Variants in VWC2 observed in about 807,000 individuals in gnomAD.
VWC2 encodes the protein von Willebrand factor C domain containing 2, also known as brorin.
VWC2 carries 14 observed loss-of-function variants against 29.8 expected under a neutral mutation model. That is an observed-to-expected ratio of 0.47 (90% confidence interval 0.31 to 0.74). The LOEUF is 0.74. Among genes scored for constraint, VWC2 ranks in the 30% least tolerant of loss-of-function variants. The pLI, the probability that VWC2 is intolerant of heterozygous loss-of-function variation, is 0.05. For missense variants in VWC2, 457 were observed against 459.8 expected (o/e 0.99, Z 0.05); for synonymous variants, 213 against 199.0 (o/e 1.07, Z -0.59).
Position 49,918,105 on chromosome 7 carries a change from C to T in VWC2, c.*5920C>T, listed in dbSNP as rs1406811777. 1 of 152,094 alleles carries T rather than the reference C, an allele frequency of 6.6e-6. No individual in the cohort carries two copies. The highest frequency in any genetic ancestry group is 2.4e-5 in the African/African-American group (1 of 41,434). 9.4% of individuals were successfully genotyped at this position (152,094 alleles called of 1,614,324 possible). A position where few individuals can be genotyped will look rare whatever the true frequency, so the allele number is the denominator to read the frequency against. On this transcript the variant is annotated 3_prime_UTR_variant, in exon 4 of 4. Transcript: ENST00000340652. ...TGTATATCATCGGCCAAAAGTTATG[C>T]TAGGTTTCCTTCACTTATTATCACA...
In VWC2 at chr7:49,867,840, A is replaced by ATT. The variant is rs140005386; in HGVS notation, c.827-44191_827-44190dup. The stretch of plus-strand genomic sequence containing the variant: ...TTTCTATTTTTTATTTTATTATTTT[A>ATT]TTTTATTTTTTGAGGTGGAGTCTTG... On this transcript the variant is annotated intron_variant, in intron 3 of 3. Transcript: ENST00000340652. Among the ~76,000 whole-genome samples, 384 of 141,156 alleles carry ATT rather than the reference A, an allele frequency of 2.7e-3. 3 individuals carry two copies. Among genetic ancestry groups the ATT allele is most frequent in the African/African-American group, 6.4e-3 (258 of 40,382 alleles). The allele number at this position is 141,156 out of a possible 152,430, so 92.6% of individuals were successfully genotyped here.
chr7:49,906,056 C>A (rs900652784), intron 3 of VWC2, among the ~76,000 whole-genome samples: 1 of 152,290 alleles, frequency 6.6e-6, no homozygotes, highest in African/African-American at 2.4e-5. Context: ...AGCATATAAT[C>A]AAGAAATAAC....
intron 3 of VWC2, among the ~76,000 whole-genome samples, chr7:49,819,101 G>C (rs564225622): frequency 6.6e-6 from 1 of 152,100 alleles, no homozygotes; most frequent in Non-Finnish European, 1.5e-5. Context: ...CAGCTTCCTC[G>C]CTGGTCTGCA....
At chr7:49,820,109 C>T (rs1468606645) in intron 3 of VWC2, among the ~76,000 whole-genome samples, 1 of 152,064 alleles carries the variant, frequency 6.6e-6, no homozygotes, top group Non-Finnish European at 1.5e-5. Context: ...ACCCTCACAA[C>T]CTCCCTGAAG....
chr7:49,804,727 A>G (rs1788833765), intron 3 of VWC2, among the ~76,000 whole-genome samples: 1 of 152,168 alleles, frequency 6.6e-6, no homozygotes, highest in Admixed American at 6.5e-5. Flanking sequence ...ACCTTTAGCT[A>G]CACCTGTTGC....
intron 3 of VWC2, among the ~76,000 whole-genome samples, chr7:49,842,009 G>T (rs539915743): frequency 1.3e-5 from 2 of 152,168 alleles, no homozygotes; most frequent in East Asian, 3.9e-4. Flanking sequence ...TGGGATTACA[G>T]GTGCTCGCCA....
intron 3 of VWC2, among the ~76,000 whole-genome samples, chr7:49,856,784 C>G (rs748687463): frequency 2.5e-4 from 38 of 151,974 alleles, no homozygotes; most frequent in African/African-American, 8.9e-4. Context: ...CCGAGGTGGG[C>G]GGATCACGAG....
chr7:49,791,221 G>A (rs1788456775), intron 2 of VWC2, among the ~76,000 whole-genome samples: 1 of 152,188 alleles, frequency 6.6e-6, no homozygotes, highest in Non-Finnish European at 1.5e-5. Context: ...TGCACCCTAA[G>A]GGTGTGAGCT....
chr7:49,780,331 G>C (rs1788146933), intron 2 of VWC2, among the ~76,000 whole-genome samples: 1 of 152,188 alleles, frequency 6.6e-6, no homozygotes, highest in Non-Finnish European at 1.5e-5. Context: ...GTGACTAAGG[G>C]TAGGGAGAGG....
rs1458968192 is a variant in VWC2 at position 49,914,021 on chromosome 7, G to T, written c.*1836G>T. ...GGAATTATTAGCTAATTGTTCTCAG[G>T]TGTAATCAGCTTTCCAAAATTTAAC... On this transcript the variant is annotated 3_prime_UTR_variant, in exon 4 of 4. Transcript: ENST00000340652. 6.6e-6 allele frequency: 1 copy of T among 152,166 alleles called. No individual in the cohort carries two copies. The highest frequency in any genetic ancestry group is 1.5e-5 in the Non-Finnish European group (1 of 68,024). 9.4% of individuals were successfully genotyped at this position (152,166 alleles called of 1,614,324 possible). A position where few individuals can be genotyped will look rare whatever the true frequency, so the allele number is the denominator to read the frequency against.
chr7:49,858,429 A>G (rs532287545), intron 3 of VWC2, among the ~76,000 whole-genome samples: 1 of 152,162 alleles, frequency 6.6e-6, no homozygotes, highest in African/African-American at 2.4e-5. Flanking sequence ...GCTGAAAACG[A>G]TCATTCTCAG....
chr7:49,775,271 C>A, intron 1 of VWC2, 62 bp from the exon 2 acceptor site: 1 of 332,116 alleles, frequency 3.0e-6, no homozygotes, highest in East Asian at 5.6e-5. Context: ...CGGGTGGGGG[C>A]CGCGGCGGGC....
intron 3 of VWC2, among the ~76,000 whole-genome samples, chr7:49,884,492 T>C (rs1456635735): frequency 1.3e-5 from 2 of 152,152 alleles, no homozygotes; most frequent in African/African-American, 2.4e-5. Flanking sequence ...TCCTGATGGA[T>C]GAGGGGTGTG....
At chr7:49,858,708 TA>T (rs150250284) in intron 3 of VWC2, among the ~76,000 whole-genome samples, 9,070 of 151,616 alleles carry the variant, frequency 0.06, 854 homozygotes, top group African/African-American at 0.2. Flanking sequence ...ATAATAATAA[TA>T]AAAAAAAGAA....
chr7:49,911,464 G>A (rs1169720285), intron 3 of VWC2, among the ~76,000 whole-genome samples: 3 of 107,254 alleles, frequency 2.8e-5, no homozygotes, highest in South Asian at 6.6e-4. Flanking sequence ...CCTGGTGACA[G>A]AGCAAGACTC....
At chr7:49,827,502 C>T (rs1014899735) in intron 3 of VWC2, among the ~76,000 whole-genome samples, 5 of 20,700 alleles carry the variant, frequency 2.4e-4, no homozygotes, top group African/African-American at 8.5e-4. Flanking sequence ...TGTAACTAGC[C>T]TTTGTTGTCT....
At chr7:49,907,607 T>G (rs1793175882) in intron 3 of VWC2, among the ~76,000 whole-genome samples, 2 of 152,294 alleles carry the variant, frequency 1.3e-5, no homozygotes, top group South Asian at 4.1e-4. Flanking sequence ...AGTCTGAGAA[T>G]GTGTGCCCAA....
At chr7:49,824,768 C>A (rs964577362) in intron 3 of VWC2, among the ~76,000 whole-genome samples, 3 of 152,002 alleles carry the variant, frequency 2.0e-5, no homozygotes, top group Admixed American at 6.6e-5. Context: ...TTTTGCATAT[C>A]TTTTGTTATT....
chr7:49,795,713 T>C (rs143590352), intron 2 of VWC2, among the ~76,000 whole-genome samples: 7 of 152,352 alleles, frequency 4.6e-5, no homozygotes, highest in Admixed American at 6.5e-5. Context: ...TGTAAGTTTG[T>C]TTTAGATCTT....
Sources: gnomAD v4.1 joint callset for allele counts (sites outside exome capture counted in the v4.1 genomes callset) on GRCh38, gnomAD v4.1.1 for gene constraint, MANE v1.5 for transcripts, NCBI Gene and HGNC (gene_info 2026-07-23, HGNC 2026-07-21) for gene names.